The following CHRM2 variants were observed in gnomAD, a reference collection of about 807,000 sequenced individuals.
The protein encoded by CHRM2 is muscarinic acetylcholine receptor M2.
In CHRM2, 8 loss-of-function variants were observed where a neutral mutation model predicts 25.0. The observed-to-expected ratio is 0.32, with a 90% confidence interval of 0.19 to 0.58. The LOEUF (loss-of-function observed/expected upper bound fraction) is 0.58, where lower values mean the gene tolerates loss of function less well. Ranked by LOEUF, CHRM2 falls within the 20% of genes least tolerant of loss-of-function variation. The pLI is 0.88. For missense variants in CHRM2, 440 were observed against 567.1 expected (o/e 0.78, Z 2.28); for synonymous variants, 202 against 205.7 (o/e 0.98, Z 0.15).
Position 137,014,898 on chromosome 7 carries a change from C to T in CHRM2, c.33C>T (p.Ser11=). MNNSTNSSNN[S]LALTSPYKTF... ...ACTCAACAAACTCCTCTAACAATAG[C>T]CTGGCTCTTACAAGTCCTTATAAGA... Residue 11 remains serine (S), a synonymous_variant, in exon 4 of 4, where the codon AGC becomes AGT. Transcript: ENST00000680005. The T allele has an allele frequency of 6.2e-7, 1 of 1,613,104 alleles. No homozygotes were observed. The highest frequency in any genetic ancestry group is 8.5e-7 in the Non-Finnish European group (1 of 1,179,478).
intron 2 of CHRM2, among the ~76,000 whole-genome samples, chr7:136,964,539 T>C (rs144894007): frequency 0.014 from 2,140 of 152,326 alleles, 29 homozygotes; most frequent in Non-Finnish European, 0.022. Flanking sequence ...CCAGTCAGCA[T>C]TGCCAAATTC....
At chr7:136,959,204 A>T (rs990084232) in intron 2 of CHRM2, among the ~76,000 whole-genome samples, 1 of 152,204 alleles carries the variant, frequency 6.6e-6, no homozygotes, top group Non-Finnish European at 1.5e-5. Context: ...TAGTTTGAGA[A>T]TTTACCCACC....
chr7:136,920,971 G>T (rs913472106), intron 2 of CHRM2, among the ~76,000 whole-genome samples: 1 of 152,036 alleles, frequency 6.6e-6, no homozygotes, highest in Non-Finnish European at 1.5e-5. Flanking sequence ...TCCCTTAGGG[G>T]CACCACTTTC....
chr7:136,995,874 A>G (rs901894386), intron 3 of CHRM2, among the ~76,000 whole-genome samples: 1 of 151,970 alleles, frequency 6.6e-6, no homozygotes, highest in Non-Finnish European at 1.5e-5. Context: ...TAATAAAGAT[A>G]ATTAAAAATA....
At chr7:136,989,156 T>TA (rs1803050682) in intron 2 of CHRM2, among the ~76,000 whole-genome samples, 1 of 152,132 alleles carries the variant, frequency 6.6e-6, no homozygotes, top group African/African-American at 2.4e-5. Flanking sequence ...ACCACAATGA[T>TA]ATATTGATCC....
rs1046894243 is a variant in CHRM2 at position 136,938,505 on chromosome 7, G to A, written c.-124-53682G>A. 24 of 1,024,028 alleles carry A rather than the reference G, an allele frequency of 2.3e-5. No homozygotes were observed. The South Asian group carries it at 2.5e-4, about 11-fold the overall frequency. The allele number at this position is 1,024,028 out of a possible 1,614,324, so 63.4% of individuals were successfully genotyped here. On this transcript the variant is annotated intron_variant, in intron 2 of 3. Transcript: ENST00000680005. ...TGTTGGGGTTCACCTCTAGGATAAG[G>A]GGGCTCAGCAGGCTCTGGTTGATTG...
chr7:136,964,294 A>G (rs1801279551), intron 2 of CHRM2, among the ~76,000 whole-genome samples: 2 of 152,134 alleles, frequency 1.3e-5, no homozygotes, highest in African/African-American at 2.4e-5. Flanking sequence ...TATTATTGCT[A>G]TTTAGGGGAT....
intron 2 of CHRM2, among the ~76,000 whole-genome samples, chr7:136,872,952 T>C (rs1338474351): frequency 6.6e-6 from 1 of 152,242 alleles, no homozygotes; most frequent in African/African-American, 2.4e-5. Context: ...CCATTCTCAA[T>C]CCTGTCTTAA....
At chr7:136,934,038 A>T (rs1799270578) in intron 2 of CHRM2, among the ~76,000 whole-genome samples, 1 of 152,160 alleles carries the variant, frequency 6.6e-6, no homozygotes, top group African/African-American at 2.4e-5. Flanking sequence ...TAGCTCTGTG[A>T]CTGTACTAAG....
intron 2 of CHRM2, chr7:136,903,231 T>C (rs1584725865): frequency 1.9e-6 from 1 of 534,350 alleles, no homozygotes; most frequent in East Asian, 5.5e-5. Context: ...GGGTCAAGTT[T>C]AGAGATGCAC....
At chr7:136,921,536 T>C (rs1464915135) in intron 2 of CHRM2, among the ~76,000 whole-genome samples, 1 of 152,168 alleles carries the variant, frequency 6.6e-6, no homozygotes, top group Non-Finnish European at 1.5e-5. Context: ...ATGTGGCCTC[T>C]TTAATTTACC....
intron 2 of CHRM2, among the ~76,000 whole-genome samples, chr7:136,913,380 A>C (rs1209551656): frequency 2.0e-5 from 3 of 151,946 alleles, no homozygotes; most frequent in African/African-American, 7.2e-5. Context: ...TCAGAAACAA[A>C]AATTCCTTGG....
chr7:136,928,357 T>C (rs1486529828), intron 2 of CHRM2, among the ~76,000 whole-genome samples: 1 of 152,190 alleles, frequency 6.6e-6, no homozygotes, highest in African/African-American at 2.4e-5. Context: ...GTAAATGCAA[T>C]ATGTAAAATA....
intron 2 of CHRM2, among the ~76,000 whole-genome samples, chr7:136,908,811 C>T (rs1797689413): frequency 6.6e-6 from 1 of 151,884 alleles, no homozygotes; most frequent in African/African-American, 2.4e-5. Flanking sequence ...AAGTTTCCCC[C>T]ATGTCAGTGA....
chr7:136,985,873 C>A (rs555860958), intron 2 of CHRM2, among the ~76,000 whole-genome samples: 3 of 152,268 alleles, frequency 2.0e-5, no homozygotes, highest in Admixed American at 2.0e-4. Context: ...ATTCATTTGG[C>A]AAAGATCAGC....
chr7:136,966,732 A>T lies in CHRM2; in HGVS notation c.-124-25455A>T, dbSNP rs796725478. ...ACTTGCCTTTTTTTTTTTACATAGT[A>T]CTATATATATCCCAGGACATGGGGA... On this transcript the variant is annotated intron_variant, in intron 2 of 3. Coordinates refer to ENST00000680005, the MANE Select transcript of CHRM2 (RefSeq NM_001006630.2). 4.6e-5 allele frequency among the ~76,000 whole-genome samples: 7 copies of T among 151,506 alleles called. No individual in the cohort carries two copies. The East Asian group carries it at 1.2e-3, about 25-fold the overall frequency.
chr7:136,934,346 G>A (rs1226954570), intron 2 of CHRM2, among the ~76,000 whole-genome samples: 2 of 151,440 alleles, frequency 1.3e-5, no homozygotes, highest in Non-Finnish European at 2.9e-5. Context: ...TTATTCTTAT[G>A]TCCACAGAGA....
At chr7:136,968,639 G>C (rs1801564355) in intron 2 of CHRM2, among the ~76,000 whole-genome samples, 2 of 149,576 alleles carry the variant, frequency 1.3e-5, no homozygotes, top group South Asian at 4.2e-4. Context: ...AGGTCTATTG[G>C]CAGATGAATG....
chr7:136,973,974 T>C (rs1801951060), intron 2 of CHRM2, among the ~76,000 whole-genome samples: 1 of 152,186 alleles, frequency 6.6e-6, no homozygotes, highest in African/African-American at 2.4e-5. Flanking sequence ...TGGATAATAG[T>C]GAAATTGCCT....
Sources: allele counts gnomAD v4.1 joint callset (sites outside exome capture counted in the v4.1 genomes callset), GRCh38; gene constraint gnomAD v4.1.1; transcripts MANE v1.5; gene names NCBI Gene and HGNC (gene_info 2026-07-23, HGNC 2026-07-21).